The following VGLL4 variants were observed in gnomAD, a reference collection of about 807,000 sequenced individuals.
VGLL4 encodes transcription cofactor vestigial-like protein 4.
VGLL4 carries 7 observed loss-of-function variants against 21.0 expected under a neutral mutation model. The ratio of observed to expected loss-of-function variants is 0.33; its 90% CI spans 0.19 to 0.63. VGLL4 has a LOEUF of 0.63. Ranked by LOEUF, VGLL4 falls within the 20% of genes least tolerant of loss-of-function variation. The pLI, the probability that VGLL4 is intolerant of heterozygous loss-of-function variation, is 0.78. For synonymous variants in VGLL4, 222 were observed against 173.2 expected, an observed-to-expected ratio of 1.28 and a Z score of -2.21; for missense variants, 394 against 425.7, an observed-to-expected ratio of 0.93 and a Z score of 0.66.
At chr3:11,677,305 G>T (rs9835130) in intron 2 of VGLL4, among the ~76,000 whole-genome samples, 85,601 of 151,066 alleles carry the variant, frequency 0.57, 24,728 homozygotes, top group Non-Finnish European at 0.63. Context: ...AGGGTCTCAC[G>T]CTGTCGTCCA....
intron 1 of VGLL4, among the ~76,000 whole-genome samples, chr3:11,604,941 T>C (rs2074896920): frequency 7.0e-6 from 1 of 143,850 alleles, no homozygotes; most frequent in African/African-American, 2.5e-5. Context: ...ACCGTGAGAT[T>C]GAACAACTTT....
chr3:11,580,426 G>A (rs562737544), intron 2 of VGLL4, among the ~76,000 whole-genome samples: 1 of 152,296 alleles, frequency 6.6e-6, no homozygotes, highest in East Asian at 1.9e-4. Flanking sequence ...TCCAACTTTT[G>A]GCTATTGTGA....
intron 2 of VGLL4, chr3:11,671,346 C>A (rs1207818413): frequency 7.8e-7 from 1 of 1,287,778 alleles, no homozygotes; most frequent in African/African-American, 1.5e-5. Context: ...GTCATCAGTT[C>A]CGCAGCGAGG....
chr3:11,641,414 C>A (rs556803553), intron 1 of VGLL4, among the ~76,000 whole-genome samples: 3 of 152,192 alleles, frequency 2.0e-5, no homozygotes, highest in Non-Finnish European at 2.9e-5. Flanking sequence ...TTCTCCAAGT[C>A]CAAGTGTTGG....
intron 2 of VGLL4, among the ~76,000 whole-genome samples, chr3:11,672,008 T>C (rs1236860434): frequency 6.6e-6 from 1 of 152,230 alleles, no homozygotes; most frequent in Non-Finnish European, 1.5e-5. Context: ...GCCAGGTAGA[T>C]GCAACTCCTT....
intron 1 of VGLL4, among the ~76,000 whole-genome samples, chr3:11,628,165 G>C (rs1312118458): frequency 6.6e-6 from 1 of 152,090 alleles, no homozygotes; most frequent in Non-Finnish European, 1.5e-5. Context: ...AAGGTGGGCA[G>C]ATCACCTGAG....
chr3:11,679,427 G>A (rs1405275283), intron 2 of VGLL4, among the ~76,000 whole-genome samples: 9 of 152,214 alleles, frequency 5.9e-5, no homozygotes, highest in Non-Finnish European at 1.2e-4. Context: ...GCTCACGCCT[G>A]TAATTCCAGC....
intron 2 of VGLL4, among the ~76,000 whole-genome samples, chr3:11,593,595 A>C (rs1013734673): frequency 6.6e-5 from 10 of 152,246 alleles, no homozygotes; most frequent in African/African-American, 2.4e-4. Context: ...ACAAAACACC[A>C]GATGAACAAT....
intron 2 of VGLL4, among the ~76,000 whole-genome samples, chr3:11,670,625 C>CT (rs941934049): frequency 1.1e-4 from 16 of 151,990 alleles, no homozygotes; most frequent in Admixed American, 9.8e-4. Flanking sequence ...CTGAGGCTTT[C>CT]TTTTTTTTAA....
At chr3:11,705,523 T>C (rs1210268876) in intron 1 of VGLL4, among the ~76,000 whole-genome samples, 2 of 152,234 alleles carry the variant, frequency 1.3e-5, no homozygotes, top group Non-Finnish European at 1.5e-5. Context: ...CTGATCTTCT[T>C]TGTAAAAACA....
chr3:11,710,842 A>G (rs1049810727), intron 1 of VGLL4, among the ~76,000 whole-genome samples: 12 of 151,714 alleles, frequency 7.9e-5, no homozygotes, highest in East Asian at 1.9e-4. Flanking sequence ...GCTCATGCAT[A>G]TAATTCCAGC....
intron 1 of VGLL4, among the ~76,000 whole-genome samples, chr3:11,720,226 G>GA (rs2076975820): frequency 6.6e-6 from 1 of 151,932 alleles, no homozygotes; most frequent in African/African-American, 2.4e-5. Context: ...CCCCCGGCTC[G>GA]CGAGCAGCCG....
intron 2 of VGLL4, among the ~76,000 whole-genome samples, chr3:11,578,879 A>T (rs1418629719): frequency 1.3e-5 from 2 of 151,108 alleles, no homozygotes; most frequent in East Asian, 3.9e-4. Flanking sequence ...CCTCCCAAGT[A>T]GCTGGGACTA....
intron 3 of VGLL4, among the ~76,000 whole-genome samples, chr3:11,561,800 G>A (rs1039344168): frequency 6.6e-6 from 1 of 151,544 alleles, no homozygotes; most frequent in African/African-American, 2.4e-5. Context: ...CCACCCACCT[G>A]TGACTGTCCT....
chr3:11,642,955 T>G (rs1426090230), intron 1 of VGLL4, among the ~76,000 whole-genome samples: 1 of 152,046 alleles, frequency 6.6e-6, no homozygotes, highest in Non-Finnish European at 1.5e-5. Flanking sequence ...CTCCGCTGTT[T>G]GGGACGCTCA....
intron 2 of VGLL4, among the ~76,000 whole-genome samples, chr3:11,695,492 CA>C (rs2125397636): frequency 6.6e-6 from 1 of 151,960 alleles, no homozygotes; most frequent in East Asian, 1.9e-4. Context: ...AAACATGTAC[CA>C]AAAGACAGAG....
intron 1 of VGLL4, among the ~76,000 whole-genome samples, chr3:11,703,328 G>A (rs968508742): frequency 3.9e-5 from 6 of 152,310 alleles, no homozygotes; most frequent in Non-Finnish European, 7.3e-5. Context: ...ATGTTATTTG[G>A]TGCTTATGTT....
intron 2 of VGLL4, among the ~76,000 whole-genome samples, chr3:11,677,909 CAAAAAAAA>C: frequency 8.3e-6 from 1 of 120,872 alleles, no homozygotes; most frequent in African/African-American, 3.2e-5. Context: ...CTTCGTCTTT[CAAAAAAAA>C]AAAAAAAAGG....
At chr3:11,708,198 T>C (rs2076788632) in intron 1 of VGLL4, among the ~76,000 whole-genome samples, 1 of 152,230 alleles carries the variant, frequency 6.6e-6, no homozygotes. Flanking sequence ...CTTATAGGTA[T>C]TGAAATAATT....
Sources: gnomAD v4.1 joint callset for allele counts (sites outside exome capture counted in the v4.1 genomes callset) on GRCh38, gnomAD v4.1.1 for gene constraint, MANE v1.5 for transcripts, NCBI Gene and HGNC (gene_info 2026-07-23, HGNC 2026-07-21) for gene names.